Variants in CLYBL observed in about 807,000 individuals in gnomAD.
CLYBL encodes citramalyl-CoA lyase.
CLYBL carries 31 observed loss-of-function variants against 38.9 expected under a neutral mutation model. The observed-to-expected ratio is 0.80, with a 90% confidence interval of 0.60 to 1.08. CLYBL has a LOEUF of 1.08. Ranked by LOEUF, CLYBL falls within the 50% of genes least tolerant of loss-of-function variation. The pLI, the probability that CLYBL is intolerant of heterozygous loss-of-function variation, is 0.00. For missense variants in CLYBL, 434 were observed against 411.6 expected (o/e 1.05, Z -0.47); for synonymous variants, 171 against 158.6 (o/e 1.08, Z -0.59).
At position 99,814,729 on chromosome 13, in the gene CLYBL, G is replaced by GAA. The variant is rs36062611; in HGVS notation, c.249+41734_249+41735dup. ...GGCAACAGAACAAGACCCTGTCTCA[G>GAA]AAAAAAAAAAAAAAAAGGAGTCTGG... On this transcript the variant is annotated intron_variant, in intron 2 of 8. Transcript: ENST00000339105. Among the ~76,000 whole-genome samples the GAA allele has an allele frequency of 5.7e-3, 706 of 123,818 alleles. 8 individuals carry two copies. The highest frequency in any genetic ancestry group is 0.016 in the African/African-American group (549 of 33,608). 81.2% of individuals were successfully genotyped at this position (123,818 alleles called of 152,430 possible).
At chr13:99,611,436 C>A (rs547290942) in intron 1 of CLYBL, among the ~76,000 whole-genome samples, 1 of 152,058 alleles carries the variant, frequency 6.6e-6, no homozygotes, top group African/African-American at 2.4e-5. Flanking sequence ...TGTGTTAATA[C>A]GGTAAATTAC....
At chr13:99,629,442 C>T (rs1487256030) in intron 1 of CLYBL, among the ~76,000 whole-genome samples, 2 of 152,148 alleles carry the variant, frequency 1.3e-5, no homozygotes, top group African/African-American at 4.8e-5. Context: ...CCCTGGTTGG[C>T]CCTCATCCCC....
chr13:99,747,210 T>TGGGC, intron 1 of CLYBL, among the ~76,000 whole-genome samples: 1 of 132,544 alleles, frequency 7.5e-6, no homozygotes, highest in East Asian at 2.5e-4. Context: ...TCCTCTCCTC[T>TGGGC]CCCCCCCGCC....
intron 3 of CLYBL, 78 bp downstream of exon 3, chr13:99,859,127 A>C: frequency 8.3e-7 from 1 of 1,201,578 alleles, no homozygotes; most frequent in Non-Finnish European, 1.2e-6. Flanking sequence ...TGGGTGCCAC[A>C]GGTTTGGAAA....
chr13:99,606,881 A>G (rs2046533379), intron 1 of CLYBL, 124 bp downstream of exon 1: 1 of 1,265,522 alleles, frequency 7.9e-7, no homozygotes, highest in African/African-American at 1.6e-5. Context: ...GGACGGAAGC[A>G]CCATGCGCCT....
intron 1 of CLYBL, among the ~76,000 whole-genome samples, chr13:99,618,882 G>T (rs1179581296): frequency 6.6e-6 from 1 of 152,154 alleles, no homozygotes; most frequent in African/African-American, 2.4e-5. Flanking sequence ...GCAGGTATCT[G>T]ATTTTCATTC....
chr13:99,844,489 T>C (rs944556748), intron 2 of CLYBL, among the ~76,000 whole-genome samples: 4 of 152,176 alleles, frequency 2.6e-5, no homozygotes, highest in East Asian at 1.9e-4. Flanking sequence ...TGGCACACCA[T>C]TGGGACACCA....
intron 1 of CLYBL, among the ~76,000 whole-genome samples, chr13:99,712,375 C>A (rs186480060): frequency 7.0e-6 from 1 of 142,622 alleles, no homozygotes; most frequent in East Asian, 2.2e-4. Context: ...CGCTCTATAG[C>A]GCAGGCTAGA....
intron 2 of CLYBL, among the ~76,000 whole-genome samples, chr13:99,855,142 T>G (rs1594225172): frequency 1.2e-5 from 1 of 83,910 alleles, no homozygotes. Context: ...CATTATTCAG[T>G]CATTTCCAGC....
At chr13:99,855,908 G>A (rs553689858) in intron 2 of CLYBL, among the ~76,000 whole-genome samples, 4 of 152,220 alleles carry the variant, frequency 2.6e-5, no homozygotes, top group South Asian at 2.1e-4. Context: ...AGCAACAGCC[G>A]GTTAATAAGG....
intron 1 of CLYBL, among the ~76,000 whole-genome samples, chr13:99,682,838 G>A (rs1467316039): frequency 1.3e-5 from 2 of 151,514 alleles, no homozygotes; most frequent in East Asian, 3.9e-4. Flanking sequence ...CCGAGTTCAA[G>A]TGATTCTTCT....
At chr13:99,870,572 C>A (rs1233349607) in intron 6 of CLYBL, among the ~76,000 whole-genome samples, 1 of 152,148 alleles carries the variant, frequency 6.6e-6, no homozygotes, top group Non-Finnish European at 1.5e-5. Flanking sequence ...TCTACTTCAA[C>A]TCAAAATAAT....
intron 1 of CLYBL, among the ~76,000 whole-genome samples, chr13:99,768,252 C>T (rs1468096091): frequency 4.2e-5 from 5 of 118,516 alleles, no homozygotes; most frequent in East Asian, 2.8e-4. Flanking sequence ...GGAGTGCAAA[C>T]GGTGCTATCT....
At chr13:99,697,796 G>A (rs368831865) in intron 1 of CLYBL, among the ~76,000 whole-genome samples, 2 of 150,658 alleles carry the variant, frequency 1.3e-5, no homozygotes, top group East Asian at 2.0e-4. Flanking sequence ...ACAGGCACCC[G>A]CCACCACACC....
chr13:99,825,494 A>T (rs891330006), intron 2 of CLYBL, among the ~76,000 whole-genome samples: 8 of 152,186 alleles, frequency 5.3e-5, no homozygotes, highest in Non-Finnish European at 1.0e-4. Flanking sequence ...CCTTTGGCTT[A>T]GTCCCCTTTT....
chr13:99,723,618 C>G (rs763870616), intron 1 of CLYBL, among the ~76,000 whole-genome samples: 1 of 152,264 alleles, frequency 6.6e-6, no homozygotes, highest in East Asian at 1.9e-4. Context: ...CCATCTTTTC[C>G]GTGGAGTGTT....
At chr13:99,748,570 G>C (rs2048898887) in intron 1 of CLYBL, among the ~76,000 whole-genome samples, 1 of 148,518 alleles carries the variant, frequency 6.7e-6, no homozygotes, top group Non-Finnish European at 1.5e-5. Flanking sequence ...CTCCTGAGTA[G>C]CTGGGATTAC....
chr13:99,645,442 G>C (rs1359449816), intron 1 of CLYBL, among the ~76,000 whole-genome samples: 2 of 148,806 alleles, frequency 1.3e-5, no homozygotes, highest in African/African-American at 5.0e-5. Context: ...AGCTTGCAGT[G>C]AGCTGAGATT....
chr13:99,763,548 CTT>C (rs59409196), intron 1 of CLYBL, among the ~76,000 whole-genome samples: 2,499 of 116,112 alleles, frequency 0.022, 70 homozygotes, highest in African/African-American at 0.077. Flanking sequence ...TCTTTTTATT[CTT>C]TTTTTTTTTT....
Sources: gnomAD v4.1 joint callset for allele counts (sites outside exome capture counted in the v4.1 genomes callset) on GRCh38, gnomAD v4.1.1 for gene constraint, MANE v1.5 for transcripts, NCBI Gene and HGNC (gene_info 2026-07-23, HGNC 2026-07-21) for gene names.